The following GPR158 variants were observed in gnomAD, a reference collection of about 807,000 sequenced individuals.
GPR158 encodes the protein G protein-coupled receptor 158.
A neutral mutation model predicts 78.2 loss-of-function variants in GPR158; 30 were observed. The ratio of observed to expected loss-of-function variants is 0.38; its 90% CI spans 0.29 to 0.52. The LOEUF (loss-of-function observed/expected upper bound fraction) is 0.52. Among genes scored for constraint, GPR158 ranks in the 20% least tolerant of loss-of-function variants. The pLI is 0.83. For missense variants in GPR158, 1,463 were observed against 1,523.5 expected, an observed-to-expected ratio of 0.96 and a Z score of 0.66; for synonymous variants, 581 against 591.1, an observed-to-expected ratio of 0.98 and a Z score of 0.25.
At chr10:25,468,943 G>A (rs1430054645) in intron 5 of GPR158, among the ~76,000 whole-genome samples, 1 of 152,172 alleles carries the variant, frequency 6.6e-6, no homozygotes, top group Non-Finnish European at 1.5e-5. Flanking sequence ...GAGGCACTTA[G>A]GAGAGATACC....
rs779357852 is a variant in GPR158 at position 25,572,788 on chromosome 10, T to A, written c.1654T>A (p.Leu552Met). ...IGWTSSVCQNLEKQISLIGQG... is the reference protein window; with the variant it reads ...IGWTSSVCQNMEKQISLIGQG... ...CTGGACTTCATCTGTGTGCCAGAAT[T>A]TGGAGAAACAGATTTCACTTATTGG... The change falls in exon 7 of 11, where the codon TTG becomes ATG. Residue 552 changes from leucine to methionine, a missense_variant. Coordinates refer to ENST00000376351, the MANE Select transcript of GPR158 (RefSeq NM_020752.3). 6.5e-5 allele frequency: 105 copies of A among 1,613,796 alleles called. 1 individual carries two copies. In the South Asian group the frequency reaches 7.0e-4, roughly 11 times the overall value.
Position 25,551,040 on chromosome 10 carries a change from T to A in GPR158, c.1469T>A (p.Leu490His). 1.2e-6 allele frequency: 2 copies of A among 1,610,412 alleles called. No individual in the cohort carries two copies. The highest frequency in any genetic ancestry group is 1.7e-6 in the Non-Finnish European group (2 of 1,176,700). ...ATTCTCCTAAGATGGGCTCGTCTTC[T>A]CGGTTTTGCTACTGTTTACGGAACT... ...RCILLRWARL[L>H]GFATVYGTVT... Residue 490 changes from leucine to histidine, a missense_variant, in exon 6 of 11, where the codon CTC becomes CAC. Transcript: ENST00000376351.
chr10:25,373,580 C>T (rs1048072779), intron 2 of GPR158, among the ~76,000 whole-genome samples: 1 of 151,762 alleles, frequency 6.6e-6, no homozygotes, highest in African/African-American at 2.4e-5. Flanking sequence ...TTCTTATAAG[C>T]ACAGATTTAG....
intron 2 of GPR158, among the ~76,000 whole-genome samples, chr10:25,281,135 CAAAAAAAAAA>C (rs35128473): frequency 8.9e-6 from 1 of 112,096 alleles, no homozygotes; most frequent in African/African-American, 3.3e-5. Context: ...AACTCTATCT[CAAAAAAAAAA>C]AAAAAAATTA....
Position 25,317,758 on chromosome 10 carries a change from T to G in GPR158, c.1009-78153T>G, listed in dbSNP as rs985350212. ...TTTGTTTTGTTTTTGAGACAGAGTC[T>G]CGCTTCTTCACCCAGGCTGGAGTGC... On this transcript the variant is annotated intron_variant, in intron 2 of 10. Coordinates refer to ENST00000376351, the MANE Select transcript of GPR158 (RefSeq NM_020752.3). 5.4e-5 allele frequency among the ~76,000 whole-genome samples: 8 copies of G among 147,732 alleles called. No homozygotes were observed. In the Middle Eastern group the frequency reaches 0.014, roughly 255 times the overall value.
chr10:25,368,606 G>A (rs1833935858), intron 2 of GPR158, among the ~76,000 whole-genome samples: 1 of 151,848 alleles, frequency 6.6e-6, no homozygotes, highest in African/African-American at 2.4e-5. Context: ...AGGTTGCAGA[G>A]AAAAAGGACT....
chr10:25,466,339 G>A (rs1299042055), intron 4 of GPR158: 1 of 236,896 alleles, frequency 4.2e-6, no homozygotes, highest in Non-Finnish European at 8.2e-6. Context: ...TCAATCGGGA[G>A]AAGACTTCTC....
At chr10:25,470,956 C>CTT (rs35299745) in intron 5 of GPR158, among the ~76,000 whole-genome samples, 1 of 151,694 alleles carries the variant, frequency 6.6e-6, no homozygotes, top group South Asian at 2.1e-4. Context: ...TTGATGTCTT[C>CTT]TTTTTTTTAA....
At chr10:25,581,018 G>A (rs1837189895) in intron 7 of GPR158, among the ~76,000 whole-genome samples, 8 of 147,500 alleles carry the variant, frequency 5.4e-5, no homozygotes, top group Admixed American at 2.7e-4. Context: ...TCCGCTTCCC[G>A]GGTTCACGCC....
chr10:25,175,238 A>T lies in GPR158; in HGVS notation c.-183A>T, dbSNP rs988889377. ...TGCCACAGGTGACTTGATTTCTGCGACGGTAGCTTAGCCACCCGGGGCCAA... is the reference window on the plus strand; with the variant it reads ...TGCCACAGGTGACTTGATTTCTGCGTCGGTAGCTTAGCCACCCGGGGCCAA... On this transcript the variant is annotated 5_prime_UTR_variant, in exon 1 of 11. Transcript: ENST00000376351. This position sits in a 1 kb window ranked among gnomAD's most constrained non-coding sequence, Gnocchi z 6.4. The T allele has an allele frequency of 3.1e-5, 16 of 521,448 alleles. No individual in the cohort carries two copies. Among genetic ancestry groups the T allele is most frequent in the Non-Finnish European group, 4.4e-5 (13 of 297,704 alleles). The allele number at this position is 521,448 out of a possible 1,614,324, so 32.3% of individuals were successfully genotyped here.
chr10:25,579,562 C>T (rs545198436), intron 7 of GPR158, among the ~76,000 whole-genome samples: 19 of 152,130 alleles, frequency 1.2e-4, no homozygotes, highest in African/African-American at 4.3e-4. Context: ...GATACTGAAG[C>T]GGAACCAGTG....
intron 2 of GPR158, among the ~76,000 whole-genome samples, chr10:25,295,702 C>T (rs992530850): frequency 3.9e-5 from 6 of 152,184 alleles, no homozygotes; most frequent in African/African-American, 1.2e-4. Context: ...TGTGAGCCAC[C>T]GCGCCCGGCC....
chr10:25,364,292 A>G (rs34576454), intron 2 of GPR158, among the ~76,000 whole-genome samples: 23,889 of 151,852 alleles, frequency 0.16, 2,173 homozygotes, highest in African/African-American at 0.24. Flanking sequence ...TGTTAAACAC[A>G]TTAAAGAATG....
intron 5 of GPR158, among the ~76,000 whole-genome samples, chr10:25,534,569 C>G (rs1024338321): frequency 1.3e-5 from 2 of 148,810 alleles, no homozygotes; most frequent in Non-Finnish European, 3.0e-5. Flanking sequence ...GGTACAACCC[C>G]GTCTCTACTA....
chr10:25,477,639 G>C (rs1649584919), intron 5 of GPR158, among the ~76,000 whole-genome samples: 2 of 151,862 alleles, frequency 1.3e-5, no homozygotes, highest in African/African-American at 2.4e-5. Flanking sequence ...ATCTCACTTG[G>C]TGCCCTTTAG....
At position 25,473,395 on chromosome 10, in the gene GPR158, G is replaced by A. The variant is rs555172813; in HGVS notation, c.1404+6676G>A. On this transcript the variant is annotated intron_variant, in intron 5 of 10. Coordinates refer to ENST00000376351, the MANE Select transcript of GPR158 (RefSeq NM_020752.3). ...AGGATTTTTGCATTGATGTTCATCA[G>A]GGATATTGGTCTAAAATTCTCTTTT... Among the ~76,000 whole-genome samples, 632 of 152,220 alleles carry A rather than the reference G, an allele frequency of 4.2e-3. 3 individuals are homozygous for A. The highest frequency in any genetic ancestry group is 6.9e-3 in the Non-Finnish European group (469 of 68,016).
At chr10:25,448,353 G>T (rs993550000) in intron 4 of GPR158, among the ~76,000 whole-genome samples, 3 of 152,106 alleles carry the variant, frequency 2.0e-5, no homozygotes, top group Admixed American at 6.5e-5. Flanking sequence ...GCCTCCCAAA[G>T]TGCTGGGATT....
chr10:25,455,817 G>C (rs1242374126), intron 4 of GPR158, among the ~76,000 whole-genome samples: 2 of 152,132 alleles, frequency 1.3e-5, no homozygotes, highest in East Asian at 3.9e-4. Flanking sequence ...GACTAAAACT[G>C]ACAACAAAAA....
chr10:25,363,255 G>A (rs960310300), intron 2 of GPR158, among the ~76,000 whole-genome samples: 2 of 151,830 alleles, frequency 1.3e-5, no homozygotes, highest in African/African-American at 4.8e-5. Flanking sequence ...ATTGTATTTT[G>A]TTATCACTAG....
Sources: allele counts gnomAD v4.1 joint callset (sites outside exome capture counted in the v4.1 genomes callset), GRCh38; gene constraint gnomAD v4.1.1; non-coding constraint Gnocchi (gnomAD v3.1); transcripts MANE v1.5; gene names NCBI Gene and HGNC (gene_info 2026-07-23, HGNC 2026-07-21).